Variants in TMEM42 observed in about 807,000 individuals in gnomAD.
The protein encoded by TMEM42 is transmembrane protein 42.
A neutral mutation model predicts 14.0 loss-of-function variants in TMEM42; 8 were observed. The observed-to-expected ratio is 0.57, with a 90% CI of 0.34 to 1.03. The LOEUF is 1.03. Among genes scored for constraint, TMEM42 ranks in the 50% least tolerant of loss-of-function variants. The pLI is 0.03. For synonymous variants in TMEM42, 115 were observed against 94.3 expected (o/e 1.22, Z -1.27); for missense variants, 211 against 219.8 (o/e 0.96, Z 0.25).
chr3:44,864,121 T>TC, intron 1 of TMEM42, 76 bp from the exon 2 acceptor site: 8 of 1,592,372 alleles, frequency 5.0e-6, no homozygotes, highest in Non-Finnish European at 6.9e-6. Context: ...GCAACCACAG[T>TC]CCTGGGTGTG....
At chr3:44,862,293 T>G (rs1036386379) in intron 1 of TMEM42, 177 bp downstream of exon 1, 2 of 232,818 alleles carry the variant, frequency 8.6e-6, no homozygotes, top group Non-Finnish European at 1.4e-5. Context: ...CGGGCGGCGC[T>G]GCGGTCAGCT....
At chr3:44,862,370 G>A (rs1239819822) in intron 1 of TMEM42, 1 of 156,902 alleles carries the variant, frequency 6.4e-6, no homozygotes, top group African/African-American at 2.4e-5. Flanking sequence ...GGTAAGAGAC[G>A]TCGGGGACTG....
rs1213787679 is a variant in TMEM42 at position 44,865,289 on chromosome 3, A to G, written c.*109A>G. 21 of 1,465,886 alleles carry G rather than the reference A, an allele frequency of 1.4e-5. No homozygotes were observed. The highest frequency in any genetic ancestry group is 2.0e-5 in the Non-Finnish European group (21 of 1,067,040). 90.8% of individuals were successfully genotyped at this position (1,465,886 alleles called of 1,614,324 possible). On this transcript the variant is annotated 3_prime_UTR_variant, in exon 3 of 3. Coordinates refer to ENST00000302392, the MANE Select transcript of TMEM42 (RefSeq NM_144638.3). ...GATCCAGTTGTGCAGCCTTCTGACC[A>G]TCAGCCAAGGGAAGCAGGCCTCTGA... is the stretch of plus-strand genomic sequence containing the variant.
intron 1 of TMEM42, chr3:44,863,311 C>CCA (rs1472477392): frequency 2.5e-5 from 3 of 117,774 alleles, no homozygotes; most frequent in Non-Finnish European, 5.9e-5. Flanking sequence ...CCCCCCCCCC[C>CCA]CGCCGCCTTG....
chr3:44,863,380 G>A (rs768430764), intron 1 of TMEM42: 2 of 140,186 alleles, frequency 1.4e-5, no homozygotes, highest in African/African-American at 5.2e-5. Flanking sequence ...CCTTTGTGTA[G>A]GAGGCTTCTA....
intron 1 of TMEM42, 28 bp downstream of exon 1, chr3:44,862,144 C>T (rs1324339903): frequency 1.1e-5 from 2 of 181,022 alleles, no homozygotes. Flanking sequence ...GTTGGTGCTG[C>T]TGCTGCGGGC....
chr3:44,863,705 G>C (rs1425798364), intron 1 of TMEM42: 2 of 161,022 alleles, frequency 1.2e-5, no homozygotes, highest in Non-Finnish European at 2.8e-5. Flanking sequence ...ATACCCAGAG[G>C]GGGTCAGCCT....
At chr3:44,864,841 G>C (rs1699303248) in intron 2 of TMEM42, among the ~76,000 whole-genome samples, 199 bp from the exon 3 acceptor site, 1 of 152,200 alleles carries the variant, frequency 6.6e-6, no homozygotes, top group South Asian at 2.1e-4. Context: ...GTCCAGTGCA[G>C]TGAGGGAGGT....
chr3:44,862,148 T>TGCGGGCGGGCGG (rs575042744), intron 1 of TMEM42, 32 bp downstream of exon 1: 2 of 118,732 alleles, frequency 1.7e-5, no homozygotes, highest in African/African-American at 6.6e-5. Context: ...GTGCTGCTGC[T>TGCGGGCGGGCGG]GCGGGCGGGC....
chr3:44,861,983 C>T lies in TMEM42; in HGVS notation c.59C>T (p.Thr20Ile). 1 of 1,383,730 alleles carries T rather than the reference C, an allele frequency of 7.2e-7. No individual in the cohort carries two copies. Among genetic ancestry groups the T allele is most frequent in the Non-Finnish European group, 9.4e-7 (1 of 1,068,414 alleles). The allele number at this position is 1,383,730 out of a possible 1,614,324, so 85.7% of individuals were successfully genotyped here. A position where few individuals can be genotyped will look rare whatever the true frequency, so the allele number is the denominator to read the frequency against. ...GTGTCCGCGACCGCGTACCCTGACA[C>T]CCCCGCGGAATTCCCTCCGCACCTC... ...GAVSATAYPD[T>I]PAEFPPHLQA... is the part of the protein sequence containing the mutation. The change falls in exon 1 of 3, where the codon ACC becomes ATC. Residue 20 changes from threonine (T) to isoleucine (I), a missense_variant. Coordinates refer to ENST00000302392, the MANE Select transcript of TMEM42 (RefSeq NM_144638.3).
At chr3:44,864,160 A>G in intron 1 of TMEM42, 37 bp from the exon 2 acceptor site, 9 of 1,611,846 alleles carry the variant, frequency 5.6e-6, no homozygotes, top group Non-Finnish European at 7.6e-6. Context: ...GTTGCTGCCC[A>G]GGGTGGACGT....
At position 44,864,080 on chromosome 3, in the gene TMEM42, T is replaced by C; in HGVS notation, c.193-117T>C. On this transcript the variant is annotated intron_variant, in intron 1 of 2. Transcript: ENST00000302392. ...GAAAGCTCTGAGGCCCTCTGAGCTGTAGTGGGAGCTCAGTAGGAGCCTGGG... is the reference window on the plus strand; with the variant it reads ...GAAAGCTCTGAGGCCCTCTGAGCTGCAGTGGGAGCTCAGTAGGAGCCTGGG... 4 of 1,250,538 alleles carry C rather than the reference T, an allele frequency of 3.2e-6. No homozygotes were observed. The South Asian group carries it at 3.9e-5, about 12-fold the overall frequency. 77.5% of individuals were successfully genotyped at this position (1,250,538 alleles called of 1,614,324 possible). A position where few individuals can be genotyped will look rare whatever the true frequency, so the allele number is the denominator to read the frequency against.
chr3:44,864,987 G>A, intron 2 of TMEM42, 53 bp from the exon 3 acceptor site: 6 of 1,607,068 alleles, frequency 3.7e-6, no homozygotes, highest in East Asian at 2.2e-5. Flanking sequence ...AGGAGAGTGA[G>A]GTTGTGCCCA....
intron 1 of TMEM42, chr3:44,863,993 A>G (rs1227209726): frequency 3.5e-6 from 2 of 568,744 alleles, no homozygotes; most frequent in African/African-American, 1.9e-5. Context: ...ATCTTCTCTG[A>G]ATTTGCTTTA....
chr3:44,862,074 G>T lies in TMEM42; in HGVS notation c.150G>T (p.Gly50=). The change falls in exon 1 of 3, where the codon GGG becomes GGT. Residue 50 remains glycine, a synonymous_variant. Coordinates refer to ENST00000302392, the MANE Select transcript of TMEM42 (RefSeq NM_144638.3). ...ACTGTCTGTGCGCCGGCGCGTTCGG[G>T]GCCCTGGCCGCCGCCTCCGCCAAGC... ...VFNCLCAGAF[G]ALAAASAKLA... 1 of 1,308,696 alleles carries T rather than the reference G, an allele frequency of 7.6e-7. No homozygotes were observed. Among genetic ancestry groups the T allele is most frequent in the Non-Finnish European group, 9.8e-7 (1 of 1,024,352 alleles). The allele number at this position is 1,308,696 out of a possible 1,614,324, so 81.1% of individuals were successfully genotyped here.
In TMEM42 at chr3:44,861,981, C is replaced by T. The variant is rs758486178; in HGVS notation, c.57C>T (p.Asp19=). Residue 19 remains aspartate (D), a synonymous_variant, in exon 1 of 3, where the codon GAC becomes GAT. Transcript: ENST00000302392. ...GGAVSATAYP[D]TPAEFPPHLQ... ...CCGTGTCCGCGACCGCGTACCCTGA[C>T]ACCCCCGCGGAATTCCCTCCGCACC... 1.4e-6 allele frequency: 2 copies of T among 1,387,182 alleles called. No homozygotes were observed. The highest frequency in any genetic ancestry group is 7.3e-5 in the Admixed American group (2 of 27,576). The allele number at this position is 1,387,182 out of a possible 1,614,324, so 85.9% of individuals were successfully genotyped here. A position where few individuals can be genotyped will look rare whatever the true frequency, so the allele number is the denominator to read the frequency against.
At chr3:44,862,301 G>C (rs1293545044) in intron 1 of TMEM42, 185 bp downstream of exon 1, 1 of 210,096 alleles carries the variant, frequency 4.8e-6, no homozygotes, top group East Asian at 1.8e-4. Flanking sequence ...GCTGCGGTCA[G>C]CTGGGGTGGC....
At position 44,864,194 on chromosome 3, in the gene TMEM42, C is replaced by T. The variant is rs541995371; in HGVS notation, c.193-3C>T. 2 of 1,613,828 alleles carry T rather than the reference C, an allele frequency of 1.2e-6. No individual in the cohort carries two copies. Among genetic ancestry groups the T allele is most frequent in the African/African-American group, 1.3e-5 (1 of 75,034 alleles). ...GTGGCTGCAGTGACACTTTCTCCTG[C>T]AGGTGAGCATGGGTTTATGCGTCTT... On this transcript the variant is annotated splice_polypyrimidine_tract_variant and splice_region_variant and intron_variant, in intron 1 of 2. Coordinates refer to ENST00000302392, the MANE Select transcript of TMEM42 (RefSeq NM_144638.3).
At chr3:44,864,991 G>C (rs201599027) in intron 2 of TMEM42, 49 bp from the exon 3 acceptor site, 29 of 1,608,370 alleles carry the variant, frequency 1.8e-5, no homozygotes, top group Non-Finnish European at 2.3e-5. Flanking sequence ...GAGTGAGGTT[G>C]TGCCCACCTG....
Sources: allele counts gnomAD v4.1 joint callset (sites outside exome capture counted in the v4.1 genomes callset), GRCh38; gene constraint gnomAD v4.1.1; transcripts MANE v1.5; gene names NCBI Gene and HGNC (gene_info 2026-07-23, HGNC 2026-07-21).